The following RPTOR variants were observed in gnomAD, a reference collection of about 807,000 sequenced individuals.
RPTOR encodes regulatory associated protein of MTOR complex 1.
RPTOR carries 21 observed loss-of-function variants against 169.9 expected under a neutral mutation model. The observed-to-expected ratio is 0.12, with a 90% CI of 0.09 to 0.18. The LOEUF is 0.18. Among genes scored for constraint, RPTOR ranks in the 10% least tolerant of loss-of-function variants. The pLI is 1.00. For missense variants in RPTOR, 1,133 were observed against 1,855.9 expected (o/e 0.61, Z 7.16); for synonymous variants, 732 against 753.2 (o/e 0.97, Z 0.46).
rs147241989 is a variant in RPTOR, at chr17:80,961,470, G to A, written c.3682G>A (p.Val1228Met). 1.5e-4 allele frequency: 234 copies of A among 1,550,534 alleles called. No individual in the cohort carries two copies. Among genetic ancestry groups the A allele is most frequent in the Middle Eastern group, 1.2e-3 (6 of 5,154 alleles). Reference sequence around the variant, plus strand: ...GCAGAAGCGTCCCGACGGCCACATCGTGAGTGTGAGGTGAGGAGCGCCGAT... The same window carrying A: ...GCAGAAGCGTCCCGACGGCCACATCATGAGTGTGAGGTGAGGAGCGCCGAT... ...SLQKRPDGHI[V>M]SVSVNGDVRI... is the part of the protein sequence containing the mutation. Residue 1228 changes from valine to methionine, a missense_variant, in exon 31 of 34, where the codon GTG becomes ATG. Val to Met is a conservative substitution (Grantham distance 21). Around this residue, in one of 9 missense-constraint regions of RPTOR, gnomAD observed 410 missense variants for 623.7 expected, o/e 0.66. Transcript: ENST00000306801.
At chr17:80,942,445 G>A (rs181779776) in intron 25 of RPTOR, among the ~76,000 whole-genome samples, 3 of 151,562 alleles carry the variant, frequency 2.0e-5, no homozygotes, top group Admixed American at 1.3e-4. Flanking sequence ...ACCAGAGTTT[G>A]TCCAGACACA....
chr17:80,815,654 A>G (rs569684947), intron 7 of RPTOR, among the ~76,000 whole-genome samples: 8 of 152,390 alleles, frequency 5.2e-5, no homozygotes, highest in African/African-American at 1.4e-4. Flanking sequence ...GTCATTATCC[A>G]TGGGAATTTA....
intron 9 of RPTOR, among the ~76,000 whole-genome samples, chr17:80,828,570 G>A (rs1347926269): frequency 2.6e-5 from 4 of 152,204 alleles, no homozygotes; most frequent in Non-Finnish European, 2.9e-5. Flanking sequence ...TTGGCTTTAC[G>A]GCCTTTACAG....
At chr17:80,740,800 A>G (rs1279399609) in intron 5 of RPTOR, among the ~76,000 whole-genome samples, 1 of 152,186 alleles carries the variant, frequency 6.6e-6, no homozygotes, top group Non-Finnish European at 1.5e-5. Context: ...AAAACCTAAC[A>G]GCCGTCCTTT....
chr17:80,933,081 CAT>C (rs922000685), intron 24 of RPTOR, among the ~76,000 whole-genome samples: 16 of 152,220 alleles, frequency 1.1e-4, no homozygotes, highest in African/African-American at 3.9e-4. Flanking sequence ...ACAAGACAAA[CAT>C]ATCCTCTCTT....
intron 14 of RPTOR, among the ~76,000 whole-genome samples, chr17:80,883,089 G>C (rs1017985468): frequency 6.6e-6 from 1 of 152,214 alleles, no homozygotes; most frequent in Non-Finnish European, 1.5e-5. Flanking sequence ...TGGGCAGGCT[G>C]GGGAGGTGAG....
chr17:80,773,469 T>C (rs2066863956), intron 6 of RPTOR, among the ~76,000 whole-genome samples: 1 of 152,226 alleles, frequency 6.6e-6, no homozygotes, highest in South Asian at 2.1e-4. Flanking sequence ...TTTTTCTTCT[T>C]CTTTCTCACT....
intron 3 of RPTOR, among the ~76,000 whole-genome samples, chr17:80,682,912 T>A (rs1002679848): frequency 4.6e-4 from 70 of 152,164 alleles, no homozygotes; most frequent in Non-Finnish European, 8.8e-4. Flanking sequence ...GTGATTCTCC[T>A]GCCTCAGCCT....
chr17:80,843,259 C>G (rs2067690534), intron 10 of RPTOR, among the ~76,000 whole-genome samples: 1 of 152,128 alleles, frequency 6.6e-6, no homozygotes, highest in Non-Finnish European at 1.5e-5. Flanking sequence ...TAAAATTTCA[C>G]TTTCTGATTT....
rs74001164 is a variant in RPTOR at position 80,961,261 on chromosome 17, C to G, written c.3606-133C>G. The G allele has an allele frequency of 9.0e-4, 688 of 760,748 alleles. 6 individuals are homozygous for G. In the African/African-American group the frequency reaches 0.011, roughly 12 times the overall value. 47.1% of individuals were successfully genotyped at this position (760,748 alleles called of 1,614,324 possible). On this transcript the variant is annotated intron_variant, in intron 30 of 33. Coordinates refer to ENST00000306801, the MANE Select transcript of RPTOR (RefSeq NM_020761.3). ...TGACCCTGCGTGAGCACTAGCCCCT[C>G]GTGGGGAGCGGACGGGCGAGGGCCT... is the stretch of plus-strand genomic sequence containing the variant.
chr17:80,671,861 A>G (rs2143683045), intron 3 of RPTOR, among the ~76,000 whole-genome samples: 1 of 152,328 alleles, frequency 6.6e-6, no homozygotes, highest in South Asian at 2.1e-4. Context: ...CACAAAGATG[A>G]CCGTGGAATT....
intron 9 of RPTOR, among the ~76,000 whole-genome samples, chr17:80,827,511 C>T (rs2067457653): frequency 6.6e-6 from 1 of 152,222 alleles, no homozygotes; most frequent in Non-Finnish European, 1.5e-5. Context: ...GCATCCTCAC[C>T]TAGTGCCACA....
chr17:80,603,990 C>T (rs1355109106), intron 1 of RPTOR, among the ~76,000 whole-genome samples: 1 of 152,224 alleles, frequency 6.6e-6, no homozygotes, highest in Admixed American at 6.5e-5. Flanking sequence ...ACCCCAGCCA[C>T]GGGCCACCCC....
intron 6 of RPTOR, among the ~76,000 whole-genome samples, chr17:80,766,446 C>A (rs187800862): frequency 1.9e-3 from 287 of 152,322 alleles, no homozygotes; most frequent in Middle Eastern, 6.8e-3. Flanking sequence ...AACTCCTGGG[C>A]TCAAGTGATC....
At position 80,602,099 on chromosome 17, in the gene RPTOR, G is replaced by T. The variant is rs1415823812; in HGVS notation, c.163-23592G>T. On this transcript the variant is annotated intron_variant, in intron 1 of 33. Transcript: ENST00000306801. ...GCTGTTGGGCACACCTCCCAGACGG[G>T]GTGGTGGCCGGACAGAGGGGCTCCT... Among the ~76,000 whole-genome samples, 2 of 61,526 alleles carry T rather than the reference G, an allele frequency of 3.3e-5. 1 individual carries two copies. The highest frequency in any genetic ancestry group is 7.3e-5 in the Non-Finnish European group (2 of 27,506). 40.4% of individuals were successfully genotyped at this position (61,526 alleles called of 152,430 possible).
chr17:80,546,002 A>G (rs1174491269), intron 1 of RPTOR, among the ~76,000 whole-genome samples: 10 of 152,190 alleles, frequency 6.6e-5, no homozygotes, highest in Admixed American at 6.5e-4. Context: ...GGGTAGTGTT[A>G]ATTCAATTCC....
intron 14 of RPTOR, among the ~76,000 whole-genome samples, chr17:80,881,685 G>A (rs2068187980): frequency 6.6e-6 from 1 of 152,240 alleles, no homozygotes; most frequent in Non-Finnish European, 1.5e-5. Context: ...GTCTGGCGTT[G>A]TGGCACACGC....
chr17:80,555,616 A>G (rs1023976769), intron 1 of RPTOR, among the ~76,000 whole-genome samples: 4 of 152,248 alleles, frequency 2.6e-5, no homozygotes, highest in African/African-American at 7.2e-5. Flanking sequence ...ATACGCAAGT[A>G]TAGGTATCAA....
At chr17:80,664,224 G>T (rs1054169219) in intron 3 of RPTOR, among the ~76,000 whole-genome samples, 1 of 152,168 alleles carries the variant, frequency 6.6e-6, no homozygotes, top group Non-Finnish European at 1.5e-5. Flanking sequence ...CCTGAAATGT[G>T]CTGTGAGGCT....
Sources: gnomAD v4.1 joint callset for allele counts (sites outside exome capture counted in the v4.1 genomes callset) on GRCh38, gnomAD v4.1.1 for gene constraint, gnomAD v4.1.1 regional missense constraint, MANE v1.5 for transcripts, NCBI Gene and HGNC (gene_info 2026-07-23, HGNC 2026-07-21) for gene names.